The following TOX variants were observed in gnomAD, a reference collection of about 807,000 sequenced individuals.
TOX encodes thymocyte selection associated high mobility group box.
In TOX, 11 loss-of-function variants were observed where a neutral mutation model predicts 53.7. That is an observed-to-expected ratio of 0.20 (90% confidence interval 0.13 to 0.34). The LOEUF is 0.34. Ranked by LOEUF, TOX falls within the 10% of genes least tolerant of loss-of-function variation. TOX has a pLI of 1.00. For synonymous variants in TOX, 225 were observed against 245.3 expected (o/e 0.92, Z 0.77); for missense variants, 570 against 664.6 (o/e 0.86, Z 1.56).
Position 58,815,562 on chromosome 8 carries a change from G to A in TOX, c.1168C>T (p.Pro390Ser). 2 of 1,614,164 alleles carry A rather than the reference G, an allele frequency of 1.2e-6. No homozygotes were observed. The highest frequency in any genetic ancestry group is 1.1e-5 in the South Asian group (1 of 91,068). ...GMNPHLTAMHPSLPRNIAPKP... is the reference protein window; with the variant it reads ...GMNPHLTAMHSSLPRNIAPKP... ...GGGGCTATGTTCCTGGGGAGACTAG[G>A]ATGCATGGCAGTTAGGTGAGGATTC... is the stretch of plus-strand genomic sequence containing the variant. The change falls in exon 7 of 9, where the codon CCT becomes TCT. Residue 390 changes from proline (P) to serine (S), a missense_variant. Coordinates refer to ENST00000361421, the MANE Select transcript of TOX (RefSeq NM_014729.3).
intron 8 of TOX, 25 bp downstream of exon 8, chr8:58,808,093 C>CA: frequency 6.2e-7 from 1 of 1,600,058 alleles, no homozygotes; most frequent in Non-Finnish European, 8.5e-7. Context: ...TGTCCACCAC[C>CA]AGGTGGCGAT....
chr8:58,858,409 A>T (rs1810951336), intron 3 of TOX, among the ~76,000 whole-genome samples: 1 of 152,198 alleles, frequency 6.6e-6, no homozygotes, highest in Non-Finnish European at 1.5e-5. Context: ...ATCTATATCA[A>T]AACAGTTGTA....
intron 3 of TOX, among the ~76,000 whole-genome samples, chr8:58,884,407 G>A (rs931751537): frequency 6.6e-6 from 1 of 152,104 alleles, no homozygotes; most frequent in African/African-American, 2.4e-5. Flanking sequence ...ATTCCAATGG[G>A]ACCTGACAAG....
At chr8:59,084,239 C>A (rs1804468329) in intron 1 of TOX, among the ~76,000 whole-genome samples, 1 of 151,990 alleles carries the variant, frequency 6.6e-6, no homozygotes, top group Admixed American at 6.5e-5. Flanking sequence ...AATATTACAT[C>A]TTTATTATCA....
At chr8:59,089,719 G>A (rs977937079) in intron 1 of TOX, among the ~76,000 whole-genome samples, 1 of 152,194 alleles carries the variant, frequency 6.6e-6, no homozygotes, top group African/African-American at 2.4e-5. Flanking sequence ...CTCCCCAGTC[G>A]CTGGGATCAC....
intron 3 of TOX, among the ~76,000 whole-genome samples, chr8:58,853,513 A>G (rs901640866): frequency 3.9e-5 from 6 of 152,182 alleles, no homozygotes; most frequent in African/African-American, 1.4e-4. Flanking sequence ...AAATGAATAA[A>G]TGAAGGAGTG....
chr8:59,081,321 C>T (rs182269600), intron 1 of TOX, among the ~76,000 whole-genome samples: 55 of 152,176 alleles, frequency 3.6e-4, no homozygotes, highest in Non-Finnish European at 6.6e-4. Context: ...GCTGCTGTGC[C>T]GGGCCAGGGA....
chr8:58,810,826 T>C (rs1417341103), intron 7 of TOX, among the ~76,000 whole-genome samples: 1 of 151,772 alleles, frequency 6.6e-6, no homozygotes, highest in Non-Finnish European at 1.5e-5. Flanking sequence ...CCCACCCCCT[T>C]TCGCTGCCCT....
At chr8:58,811,565 G>C (rs774524585) in intron 7 of TOX, among the ~76,000 whole-genome samples, 1 of 152,114 alleles carries the variant, frequency 6.6e-6, no homozygotes, top group Admixed American at 6.6e-5. Flanking sequence ...TTTTCAACAG[G>C]CATCAATGTT....
chr8:58,853,117 G>A (rs959788040), intron 3 of TOX, among the ~76,000 whole-genome samples: 5 of 152,236 alleles, frequency 3.3e-5, no homozygotes, highest in Admixed American at 6.5e-5. Flanking sequence ...TCTCCGGAAC[G>A]CATTTACTGC....
intron 6 of TOX, among the ~76,000 whole-genome samples, chr8:58,816,183 A>G (rs1474398290): frequency 6.6e-6 from 1 of 152,196 alleles, no homozygotes. Flanking sequence ...TGGCCTAGAT[A>G]TTTGCACAAA....
At chr8:58,981,667 C>T (rs1336726343) in intron 1 of TOX, among the ~76,000 whole-genome samples, 2 of 152,134 alleles carry the variant, frequency 1.3e-5, no homozygotes, top group Non-Finnish European at 2.9e-5. Context: ...ATACTCAATC[C>T]CTTACCACCT....
At chr8:58,861,009 G>A (rs565753411) in intron 3 of TOX, among the ~76,000 whole-genome samples, 17 of 152,226 alleles carry the variant, frequency 1.1e-4, no homozygotes, top group Non-Finnish European at 1.8e-4. Flanking sequence ...GAGCCACCTC[G>A]TTTCTGATTG....
intron 3 of TOX, among the ~76,000 whole-genome samples, chr8:58,868,575 A>G (rs1441959727): frequency 6.6e-6 from 1 of 152,144 alleles, no homozygotes; most frequent in Non-Finnish European, 1.5e-5. Context: ...AACTTTCCTA[A>G]AGTACTTAAA....
chr8:58,980,313 C>T (rs901402009), intron 1 of TOX, among the ~76,000 whole-genome samples: 1 of 152,158 alleles, frequency 6.6e-6, no homozygotes, highest in South Asian at 2.1e-4. Flanking sequence ...CTACAGAGAC[C>T]TCATCAGCTG....
intron 2 of TOX, among the ~76,000 whole-genome samples, chr8:58,949,359 C>T (rs941157596): frequency 2.0e-5 from 3 of 152,250 alleles, no homozygotes; most frequent in Non-Finnish European, 4.4e-5. Context: ...CTATTTTGAA[C>T]ATTTAGGATG....
At chr8:58,990,175 C>G (rs1039533187) in intron 1 of TOX, among the ~76,000 whole-genome samples, 1 of 152,172 alleles carries the variant, frequency 6.6e-6, no homozygotes, top group Admixed American at 6.5e-5. Flanking sequence ...GATGGCAAAA[C>G]TGAGGCACAG....
intron 1 of TOX, among the ~76,000 whole-genome samples, chr8:59,089,997 C>T (rs977989212): frequency 6.6e-6 from 1 of 152,210 alleles, no homozygotes; most frequent in South Asian, 2.1e-4. Context: ...AGATTCAGAA[C>T]GTTGGCCACT....
intron 3 of TOX, among the ~76,000 whole-genome samples, chr8:58,929,128 T>C (rs1450836093): frequency 6.6e-6 from 1 of 152,138 alleles, no homozygotes; most frequent in Non-Finnish European, 1.5e-5. Flanking sequence ...TCTATTTCTC[T>C]GGGGAATTTG....
Sources: gnomAD v4.1 joint callset for allele counts (sites outside exome capture counted in the v4.1 genomes callset) on GRCh38, gnomAD v4.1.1 for gene constraint, MANE v1.5 for transcripts, NCBI Gene and HGNC (gene_info 2026-07-23, HGNC 2026-07-21) for gene names.